The following STXBP2 variants were observed in gnomAD, a reference collection of about 807,000 sequenced individuals.
STXBP2 encodes syntaxin binding protein 2.
STXBP2 carries 47 observed loss-of-function variants against 72.2 expected under a neutral mutation model. That is an observed-to-expected ratio of 0.65 (90% confidence interval 0.51 to 0.83). The LOEUF (loss-of-function observed/expected upper bound fraction) is 0.83, where lower values mean the gene tolerates loss of function less well. Among genes scored for constraint, STXBP2 ranks in the 40% least tolerant of loss-of-function variants. The pLI, the probability that STXBP2 is intolerant of heterozygous loss-of-function variation, is 0.00. For missense variants in STXBP2, 702 were observed against 807.6 expected, an observed-to-expected ratio of 0.87 and a Z score of 1.58; for synonymous variants, 367 against 338.7, an observed-to-expected ratio of 1.08 and a Z score of -0.92.
At position 7,640,934 on chromosome 19, in the gene STXBP2, C is replaced by T. The variant is rs748808124; in HGVS notation, c.360C>T (p.Arg120=). 2.5e-5 allele frequency: 40 copies of T among 1,614,114 alleles called. No homozygotes were observed. The South Asian group carries it at 3.5e-4, about 14-fold the overall frequency. Residue 120 remains arginine, a synonymous_variant, in exon 6 of 19, where the codon CGC becomes CGT. Coordinates refer to ENST00000221283, the MANE Select transcript of STXBP2 (RefSeq NM_006949.4). The part of the protein sequence containing the change: ...CPEPLFSELG[R]SRLAKVVKTL... ...AGCCCCTGTTCAGTGAGCTAGGCCG[C>T]TCTCGTCTGGCAAAGGTGGTGAAGA...
intron 15 of STXBP2, 175 bp downstream of exon 15, chr19:7,645,481 GC>G (rs2032097045): frequency 3.3e-6 from 2 of 612,914 alleles, no homozygotes; most frequent in Admixed American, 5.6e-5. Context: ...GGACACTGGG[GC>G]CTCTCCCAGT....
In STXBP2 at chr19:7,639,821, TGA is replaced by T; in HGVS notation, c.246+16_246+17del. On this transcript the variant is annotated intron_variant, in intron 4 of 18. Coordinates refer to ENST00000221283, the MANE Select transcript of STXBP2 (RefSeq NM_006949.4). ...CCCACGGAGAAGGTGCCTACATGAG[TGA>T]GCGTGTGTGTATGCGCGTGCATGCG... 6.2e-7 allele frequency: 1 copy of T among 1,613,502 alleles called. No homozygotes were observed. The highest frequency in any genetic ancestry group is 1.1e-5 in the South Asian group (1 of 90,984).
upstream of STXBP2, among the ~76,000 whole-genome samples, chr19:7,635,565 G>A (rs142150908): frequency 9.3e-3 from 1,423 of 152,202 alleles, 23 homozygotes; most frequent in African/African-American, 0.031. Flanking sequence ...GCACGGTGGC[G>A]TGCACCTGTA....
chr19:7,640,417 T>TGC, intron 4 of STXBP2: 1 of 613,492 alleles, frequency 1.6e-6, no homozygotes, highest in Non-Finnish European at 2.9e-6. Flanking sequence ...TGTATGTATG[T>TGC]GTGCGCGCGC....
chr19:7,638,710 C>G lies in STXBP2; in HGVS notation c.38-16C>G. On this transcript the variant is annotated splice_polypyrimidine_tract_variant and intron_variant, in intron 1 of 18. Coordinates refer to ENST00000221283, the MANE Select transcript of STXBP2 (RefSeq NM_006949.4). The stretch of plus-strand genomic sequence containing the variant: ...AGAGAACCAGCATTCTGACCCCTCC[C>G]CTCCCTTCCCTGCAGAAATTCTGAG... The G allele has an allele frequency of 6.2e-7, 1 of 1,614,114 alleles. No individual in the cohort carries two copies. Among genetic ancestry groups the G allele is most frequent in the Non-Finnish European group, 8.5e-7 (1 of 1,180,000 alleles).
chr19:7,639,478 G>A, intron 3 of STXBP2: 1 of 582,676 alleles, frequency 1.7e-6, no homozygotes, highest in Non-Finnish European at 3.1e-6. Flanking sequence ...TTGAGGGATA[G>A]GTGCTGAGGG....
chr19:7,640,400 ATATGTG>A (rs1245231501), intron 4 of STXBP2: 1 of 553,354 alleles, frequency 1.8e-6, no homozygotes, highest in Non-Finnish European at 3.3e-6. Flanking sequence ...GCATGTGTGT[ATATGTG>A]TGTATGTATG....
chr19:7,642,976 T>C lies in STXBP2; in HGVS notation c.961-7T>C. 1 of 1,613,684 alleles carries C rather than the reference T, an allele frequency of 6.2e-7. No homozygotes were observed. The highest frequency in any genetic ancestry group is 8.5e-7 in the Non-Finnish European group (1 of 1,179,926). The stretch of plus-strand genomic sequence containing the variant: ...CAATCCCTACCCTCTTCCCCCTACT[T>C]CCCCAGGCGAACATCAAAGACCTAT... On this transcript the variant is annotated splice_polypyrimidine_tract_variant and splice_region_variant and intron_variant, in intron 11 of 18. Coordinates refer to ENST00000221283, the MANE Select transcript of STXBP2 (RefSeq NM_006949.4). The surrounding 1 kb of genome is among the most constrained non-coding windows in gnomAD (Gnocchi z 6.0).
At chr19:7,641,894 CTTAACCGCGTGCAA>C (rs2146216584) in intron 7 of STXBP2, 41 bp downstream of exon 7, 1 of 1,580,810 alleles carries the variant, frequency 6.3e-7, no homozygotes, top group East Asian at 2.4e-5. Context: ...CCGACCCCCC[CTTAACCGCGTGCAA>C]CACCTAACCT....
chr19:7,644,159 G>C (rs78492653), intron 13 of STXBP2, among the ~76,000 whole-genome samples: 15 of 121,874 alleles, frequency 1.2e-4, no homozygotes, highest in East Asian at 2.8e-4. Flanking sequence ...CCTTGGAGAG[G>C]TGGGACCTGG....
chr19:7,640,571 T>C (rs753667136), intron 4 of STXBP2, 160 bp from the exon 5 acceptor site: 7 of 836,782 alleles, frequency 8.4e-6, no homozygotes, highest in East Asian at 5.3e-5. Flanking sequence ...TGTGCGCGTG[T>C]GCCCATGTGG....
rs114647331 is a variant in STXBP2 at position 7,639,832 on chromosome 19, G to A, written c.246+25G>A. The A allele has an allele frequency of 1.7e-3, 2,710 of 1,611,474 alleles. 44 individuals carry two copies. In the African/African-American group the frequency reaches 0.031, roughly 19 times the overall value. On this transcript the variant is annotated intron_variant, in intron 4 of 18. Coordinates refer to ENST00000221283, the MANE Select transcript of STXBP2 (RefSeq NM_006949.4). ...GGTGCCTACATGAGTGAGCGTGTGT[G>A]TATGCGCGTGCATGCGTGTACATGT... is the stretch of plus-strand genomic sequence containing the variant.
chr19:7,638,438 C>T (rs2031652011), intron 1 of STXBP2, among the ~76,000 whole-genome samples: 1 of 152,020 alleles, frequency 6.6e-6, no homozygotes, highest in Non-Finnish European at 1.5e-5. Context: ...CCCATCTATA[C>T]AGAAATAAAA....
chr19:7,641,187 G>A (rs1224335522), intron 6 of STXBP2, 184 bp downstream of exon 6: 2 of 691,490 alleles, frequency 2.9e-6, no homozygotes, highest in African/African-American at 3.6e-5. Flanking sequence ...TACAGAGCAA[G>A]ACCCCGTCTC....
At chr19:7,643,344 C>T in intron 13 of STXBP2, 99 bp downstream of exon 13, 1 of 1,312,726 alleles carries the variant, frequency 7.6e-7, no homozygotes, top group East Asian at 2.5e-5. Context: ...GGGGGAGGGG[C>T]AGGGCTTGTG....
upstream of STXBP2, among the ~76,000 whole-genome samples, chr19:7,632,221 T>A (rs1334508009): frequency 1.3e-5 from 2 of 152,168 alleles, no homozygotes; most frequent in Non-Finnish European, 2.9e-5. The surrounding 1 kb of genome is among the most constrained non-coding windows in gnomAD (Gnocchi z 5.2). Context: ...GGCCCCTGTA[T>A]AACCTTGGGC....
intron 6 of STXBP2, 72 bp downstream of exon 6, chr19:7,641,075 G>A (rs757796783): frequency 3.9e-6 from 6 of 1,519,238 alleles, no homozygotes; most frequent in Non-Finnish European, 5.4e-6. Flanking sequence ...CTCAGAAACA[G>A]ACACTGAGGC....
At chr19:7,630,242 G>A in the STXBP2 span, 1 of 462,556 alleles carries the variant, frequency 2.2e-6, no homozygotes, top group East Asian at 4.0e-5. Flanking sequence ...CGCCTCCTGG[G>A]TTTGGGGGTG....
upstream of STXBP2, chr19:7,633,086 C>T (rs1040949548): frequency 3.4e-5 from 42 of 1,221,880 alleles, no homozygotes; most frequent in Admixed American, 1.2e-4. Context: ...GGACAGGCTC[C>T]GATGCGTGTC....
Sources: gnomAD v4.1 joint callset for allele counts (sites outside exome capture counted in the v4.1 genomes callset) on GRCh38, gnomAD v4.1.1 for gene constraint, Gnocchi (gnomAD v3.1) non-coding constraint, MANE v1.5 for transcripts, NCBI Gene and HGNC (gene_info 2026-07-23, HGNC 2026-07-21) for gene names.